ZNF215: variants seen among roughly 807,000 people sequenced by gnomAD.
The protein encoded by ZNF215 is zinc finger protein 215, also known as BWSCR2-associated zinc finger protein 2.
A neutral mutation model predicts 27.2 loss-of-function variants in ZNF215; 24 were observed. The ratio of observed to expected loss-of-function variants is 0.88; its 90% CI spans 0.64 to 1.24. The LOEUF is 1.24. Ranked by LOEUF, ZNF215 falls within the 50% of genes most tolerant of loss-of-function variation. The probability of loss-of-function intolerance (pLI) is 0.00; values close to 1 mark genes in which losing one functional copy is unlikely to be tolerated. For missense variants in ZNF215, 675 were observed against 605.7 expected (o/e 1.11, Z -1.20); for synonymous variants, 210 against 204.0 (o/e 1.03, Z -0.25).
chr11:6,977,580 T>C (rs1366353149), intron 5 of ZNF215, among the ~76,000 whole-genome samples: 1 of 151,830 alleles, frequency 6.6e-6, no homozygotes, highest in Non-Finnish European at 1.5e-5. Flanking sequence ...CTGGTATCCT[T>C]GTAAGAAGAG....
intron 6 of ZNF215, among the ~76,000 whole-genome samples, chr11:6,953,354 C>T (rs7119221): frequency 0.054 from 8,200 of 152,252 alleles, 291 homozygotes; most frequent in East Asian, 0.15. Context: ...CCATTTTCCC[C>T]GTCACTTTCA....
At chr11:6,947,787 C>A (rs1356314657) in intron 6 of ZNF215, among the ~76,000 whole-genome samples, 2 of 152,136 alleles carry the variant, frequency 1.3e-5, no homozygotes, top group Non-Finnish European at 2.9e-5. Context: ...TTCTTATGTT[C>A]CATACGATGT....
At chr11:6,981,460 TGTTTC>T (rs992367107) in intron 5 of ZNF215, among the ~76,000 whole-genome samples, 2 of 152,178 alleles carry the variant, frequency 1.3e-5, no homozygotes, top group African/African-American at 4.8e-5. Flanking sequence ...TGGGGTTGTT[TGTTTC>T]TTCTTGTAAA....
chr11:6,926,961 G>A (rs978944487), intron 1 of ZNF215: 4 of 151,614 alleles, frequency 2.6e-5, no homozygotes, highest in Non-Finnish European at 4.4e-5. Context: ...GACAGAGGGC[G>A]AGGGGGTGGG....
intron 5 of ZNF215, among the ~76,000 whole-genome samples, chr11:6,973,337 A>T (rs1850760141): frequency 6.6e-6 from 1 of 152,198 alleles, no homozygotes; most frequent in Non-Finnish European, 1.5e-5. Context: ...TGCTATTGTG[A>T]ATAGTGCCAC....
At chr11:6,952,521 T>G (rs1342740820) in intron 6 of ZNF215, among the ~76,000 whole-genome samples, 2 of 152,112 alleles carry the variant, frequency 1.3e-5, no homozygotes, top group African/African-American at 2.4e-5. Context: ...TCTTTGTTGG[T>G]TTAAAGTCTG....
intron 5 of ZNF215, among the ~76,000 whole-genome samples, chr11:6,965,207 G>A (rs944359872): frequency 6.6e-6 from 1 of 152,088 alleles, no homozygotes; most frequent in Non-Finnish European, 1.5e-5. Flanking sequence ...TATTGAACAC[G>A]GTAGTACATG....
chr11:6,939,891 T>C (rs1849576560), intron 3 of ZNF215, among the ~76,000 whole-genome samples: 1 of 152,016 alleles, frequency 6.6e-6, no homozygotes, highest in Non-Finnish European at 1.5e-5. Context: ...GATTATGGAA[T>C]TGAGCAGATT....
At chr11:6,954,750 G>T (rs1388617130) in intron 6 of ZNF215, among the ~76,000 whole-genome samples, 1 of 152,116 alleles carries the variant, frequency 6.6e-6, no homozygotes, top group African/African-American at 2.4e-5. Context: ...ACTGTCCTGC[G>T]CCCACTGTCT....
chr11:6,980,984 C>T (rs1018074891), intron 5 of ZNF215, among the ~76,000 whole-genome samples: 2 of 149,754 alleles, frequency 1.3e-5, no homozygotes, highest in African/African-American at 4.9e-5. Context: ...GTATATGTGC[C>T]ACATTTTCTT....
intron 3 of ZNF215, among the ~76,000 whole-genome samples, chr11:6,938,155 G>A (rs894313534): frequency 7.2e-5 from 11 of 151,916 alleles, no homozygotes; most frequent in African/African-American, 2.4e-4. Context: ...AACAAGATAA[G>A]GAACAGTTTT....
At position 6,955,785 on chromosome 11, in the gene ZNF215, G is replaced by A. The variant is rs760773592; in HGVS notation, c.808G>A (p.Glu270Lys). The change falls in exon 7 of 7, where the codon GAG becomes AAG. Residue 270 changes from glutamate (E) to lysine (K), a missense_variant. Physicochemically the swap from Glu to Lys is moderately conservative, Grantham distance 56. Transcript: ENST00000278319. Reference protein sequence around the residue: ...GHPSSDAWKGENWLYRNQKKW... With the variant: ...GHPSSDAWKGKNWLYRNQKKW... ...CCCTTCTTCAGATGCCTGGAAAGGT[G>A]AGAATTGGTTATATAGGAACCAGAA... is the stretch of plus-strand genomic sequence containing the variant. 8 of 1,613,142 alleles carry A rather than the reference G, an allele frequency of 5.0e-6. No homozygotes were observed. Among genetic ancestry groups the A allele is most frequent in the South Asian group, 4.4e-5 (4 of 90,688 alleles).
chr11:6,933,582 T>C (rs1439929236), intron 3 of ZNF215, among the ~76,000 whole-genome samples: 1 of 151,732 alleles, frequency 6.6e-6, no homozygotes, highest in African/African-American at 2.4e-5. Context: ...GGTCAGGAGA[T>C]CGAGACCATC....
At chr11:6,982,912 C>T (rs1850987805) in intron 5 of ZNF215, among the ~76,000 whole-genome samples, 2 of 151,160 alleles carry the variant, frequency 1.3e-5, no homozygotes, top group Non-Finnish European at 2.9e-5. Context: ...AAAATCAGAG[C>T]AGAACTGAAG....
chr11:6,981,811 T>C (rs1422911916), intron 5 of ZNF215, among the ~76,000 whole-genome samples: 1 of 152,048 alleles, frequency 6.6e-6, no homozygotes, highest in Non-Finnish European at 1.5e-5. Context: ...GGATCCAGTT[T>C]CAGCTTTCTA....
downstream of ZNF215, among the ~76,000 whole-genome samples, chr11:6,986,159 T>A (rs1235930861): frequency 6.6e-6 from 1 of 152,164 alleles, no homozygotes; most frequent in East Asian, 1.9e-4. Flanking sequence ...CAAAATAGCA[T>A]GATTCTGGTA....
chr11:6,934,819 A>G (rs1300433151), intron 3 of ZNF215, among the ~76,000 whole-genome samples: 7 of 152,160 alleles, frequency 4.6e-5, no homozygotes, highest in African/African-American at 1.2e-4. Flanking sequence ...TAAGACATGG[A>G]TATCTTTGTG....
In ZNF215 at chr11:6,943,715, A is replaced by G. The variant is rs115163338; in HGVS notation, c.712+74A>G. The stretch of plus-strand genomic sequence containing the variant: ...AAACATACAGACAATGTGCAACCCA[A>G]TCTTTGAATTGTTAGTTGGGAAGGA... On this transcript the variant is annotated intron_variant, in intron 6 of 6. Transcript: ENST00000278319. 2,022 of 1,157,028 alleles carry G rather than the reference A, an allele frequency of 1.7e-3. 21 individuals are homozygous for G. In the African/African-American group the frequency reaches 0.022, roughly 13 times the overall value. The allele number at this position is 1,157,028 out of a possible 1,614,324, so 71.7% of individuals were successfully genotyped here. A position where few individuals can be genotyped will look rare whatever the true frequency, so the allele number is the denominator to read the frequency against.
At chr11:6,963,460 A>G (rs1339444321) in intron 5 of ZNF215, among the ~76,000 whole-genome samples, 1 of 152,142 alleles carries the variant, frequency 6.6e-6, no homozygotes, top group Non-Finnish European at 1.5e-5. Context: ...TATATGAACC[A>G]TCTGAGTTCT....
Sources: gnomAD v4.1 joint callset for allele counts (sites outside exome capture counted in the v4.1 genomes callset) on GRCh38, gnomAD v4.1.1 for gene constraint, MANE v1.5 for transcripts, NCBI Gene and HGNC (gene_info 2026-07-23, HGNC 2026-07-21) for gene names.